EXOC6B: variants seen among roughly 807,000 people sequenced by gnomAD.
EXOC6B encodes SEC15 homolog B.
In EXOC6B, 54 loss-of-function variants were observed where a neutral mutation model predicts 113.5. That is an observed-to-expected ratio of 0.48 (90% CI 0.38 to 0.60). The LOEUF (loss-of-function observed/expected upper bound fraction) is 0.60, where lower values mean the gene tolerates loss of function less well. Ranked by LOEUF, EXOC6B falls within the 20% of genes least tolerant of loss-of-function variation. EXOC6B has a pLI of 0.00. For synonymous variants in EXOC6B, 357 were observed against 339.0 expected, an observed-to-expected ratio of 1.05 and a Z score of -0.58; for missense variants, 797 against 977.5, an observed-to-expected ratio of 0.82 and a Z score of 2.46.
At chr2:72,502,028 A>ACATTTCATGC (rs1223831418) in intron 11 of EXOC6B, among the ~76,000 whole-genome samples, 2 of 151,986 alleles carry the variant, frequency 1.3e-5, no homozygotes, top group Non-Finnish European at 2.9e-5. Context: ...CTCCCAAAGT[A>ACATTTCATGC]CTGAAATTAC....
chr2:72,618,135 G>A (rs1671516988), intron 6 of EXOC6B, among the ~76,000 whole-genome samples: 1 of 152,092 alleles, frequency 6.6e-6, no homozygotes, highest in South Asian at 2.1e-4. Context: ...TTGGGAGATA[G>A]AGGGGGGTGG....
chr2:72,299,912 A>G (rs1169476788), intron 20 of EXOC6B, among the ~76,000 whole-genome samples: 2 of 152,144 alleles, frequency 1.3e-5, no homozygotes, highest in Non-Finnish European at 1.5e-5. Context: ...TCCTCTGGAA[A>G]CTTCGTCCCA....
chr2:72,709,091 A>G (rs1280903851), intron 6 of EXOC6B, among the ~76,000 whole-genome samples: 10 of 151,808 alleles, frequency 6.6e-5, no homozygotes, highest in Non-Finnish European at 1.3e-4. Context: ...ATTTGCTAAA[A>G]CTTCTTCTCA....
At chr2:72,619,658 G>A (rs930072511) in intron 6 of EXOC6B, among the ~76,000 whole-genome samples, 11 of 152,146 alleles carry the variant, frequency 7.2e-5, no homozygotes, top group African/African-American at 2.4e-4. Context: ...CACCAAAGTC[G>A]AGATTGAAGA....
chr2:72,717,970 A>T, intron 6 of EXOC6B, 133 bp downstream of exon 6: 1 of 614,134 alleles, frequency 1.6e-6, no homozygotes, highest in Non-Finnish European at 2.7e-6. Context: ...ATGTTTCCAT[A>T]AATATGAAGG....
chr2:72,213,232 A>G (rs1680304991), intron 20 of EXOC6B, among the ~76,000 whole-genome samples: 1 of 152,220 alleles, frequency 6.6e-6, no homozygotes, highest in African/African-American at 2.4e-5. Context: ...AGCCCCAGCA[A>G]CCATCCGATT....
chr2:72,286,534 G>T (rs1685434597), intron 20 of EXOC6B, among the ~76,000 whole-genome samples: 1 of 152,090 alleles, frequency 6.6e-6, no homozygotes, highest in Non-Finnish European at 1.5e-5. Flanking sequence ...GGATTTTAGG[G>T]CATCAAAATT....
In EXOC6B at chr2:72,645,743, T is replaced by C. The variant is rs566666018; in HGVS notation, c.670-70075A>G. 1.1e-3 allele frequency among the ~76,000 whole-genome samples: 165 copies of C among 152,224 alleles called. 1 individual carries two copies. Among genetic ancestry groups the C allele is most frequent in the Middle Eastern group, 6.8e-3 (2 of 294 alleles). On this transcript the variant is annotated intron_variant, in intron 6 of 21. Coordinates refer to ENST00000272427, the MANE Select transcript of EXOC6B (RefSeq NM_015189.3). ...AAATAAAGATGTTCTTTGAAACCAA[T>C]GAGAACAAAGACACAACATACCAGA...
At chr2:72,584,218 T>A (rs533509553) in intron 6 of EXOC6B, among the ~76,000 whole-genome samples, 2 of 150,604 alleles carry the variant, frequency 1.3e-5, no homozygotes, top group African/African-American at 4.9e-5. Flanking sequence ...GCAAGTAGGG[T>A]TAAAAAAAAA....
chr2:72,551,971 G>A (rs2103625180), intron 8 of EXOC6B, among the ~76,000 whole-genome samples: 1 of 89,600 alleles, frequency 1.1e-5, no homozygotes. Context: ...TCATGAAGAA[G>A]AGAAATTCAG....
intron 6 of EXOC6B, among the ~76,000 whole-genome samples, chr2:72,643,798 A>T (rs867192328): frequency 1.3e-5 from 2 of 150,708 alleles, no homozygotes; most frequent in Admixed American, 6.6e-5. Flanking sequence ...AAGAAGCAAT[A>T]AAAAAAATTA....
At chr2:72,699,834 G>T (rs1005907695) in intron 6 of EXOC6B, among the ~76,000 whole-genome samples, 1 of 152,174 alleles carries the variant, frequency 6.6e-6, no homozygotes, top group Non-Finnish European at 1.5e-5. Flanking sequence ...CATGGTTCAA[G>T]ATAGCTTTTA....
At chr2:72,323,550 G>T (rs1687963583) in intron 20 of EXOC6B, among the ~76,000 whole-genome samples, 1 of 151,994 alleles carries the variant, frequency 6.6e-6, no homozygotes, top group African/African-American at 2.4e-5. Flanking sequence ...GTTTATTGCG[G>T]CACTATTCAC....
chr2:72,414,032 T>G (rs1300438172), intron 18 of EXOC6B, among the ~76,000 whole-genome samples: 2 of 152,250 alleles, frequency 1.3e-5, no homozygotes, highest in East Asian at 3.8e-4. Flanking sequence ...TTTCTTGTTT[T>G]GTAACACATT....
intron 20 of EXOC6B, among the ~76,000 whole-genome samples, chr2:72,189,038 A>G (rs1288312093): frequency 1.3e-5 from 2 of 152,280 alleles, no homozygotes; most frequent in East Asian, 3.9e-4. Context: ...TTCTTATATA[A>G]TCACAGTATA....
intron 18 of EXOC6B, among the ~76,000 whole-genome samples, chr2:72,418,037 T>C (rs1293518802): frequency 6.6e-6 from 1 of 152,186 alleles, no homozygotes; most frequent in African/African-American, 2.4e-5. Flanking sequence ...TATCATCTTA[T>C]TTCATATTTT....
At chr2:72,332,223 C>T (rs892167212) in intron 20 of EXOC6B, among the ~76,000 whole-genome samples, 8 of 151,894 alleles carry the variant, frequency 5.3e-5, no homozygotes, top group Non-Finnish European at 1.0e-4. Flanking sequence ...TTATTAAGGA[C>T]ATAATGATTA....
At chr2:72,215,800 CTTCT>C (rs1680492240) in intron 20 of EXOC6B, among the ~76,000 whole-genome samples, 2 of 151,878 alleles carry the variant, frequency 1.3e-5, no homozygotes, top group Admixed American at 6.6e-5. Context: ...AAAAGGCCTC[CTTCT>C]GGAGGCCTTG....
intron 20 of EXOC6B, among the ~76,000 whole-genome samples, chr2:72,196,490 T>G (rs1679175929): frequency 6.6e-6 from 1 of 152,234 alleles, no homozygotes; most frequent in Non-Finnish European, 1.5e-5. Flanking sequence ...AAATCAATTT[T>G]GTTTACTTGG....
Sources: allele counts gnomAD v4.1 joint callset (sites outside exome capture counted in the v4.1 genomes callset), GRCh38; gene constraint gnomAD v4.1.1; transcripts MANE v1.5; gene names NCBI Gene and HGNC (gene_info 2026-07-23, HGNC 2026-07-21).